PCCA: variants seen among roughly 807,000 people sequenced by gnomAD.
PCCA encodes propionyl-CoA carboxylase subunit alpha, also known as propionyl-CoA carboxylase alpha chain, mitochondrial.
A neutral mutation model predicts 101.3 loss-of-function variants in PCCA; 74 were observed. The ratio of observed to expected loss-of-function variants is 0.73; its 90% confidence interval spans 0.61 to 0.89. PCCA has a LOEUF of 0.89. Among genes scored for constraint, PCCA ranks in the 40% least tolerant of loss-of-function variants. The pLI, the probability that PCCA is intolerant of heterozygous loss-of-function variation, is 0.00. For missense variants in PCCA, 891 were observed against 907.0 expected, an observed-to-expected ratio of 0.98 and a Z score of 0.23; for synonymous variants, 294 against 313.6, an observed-to-expected ratio of 0.94 and a Z score of 0.66.
intron 6 of PCCA, among the ~76,000 whole-genome samples, chr13:100,173,457 T>G (rs999186750): frequency 6.6e-6 from 1 of 152,072 alleles, no homozygotes; most frequent in Non-Finnish European, 1.5e-5. Context: ...TAATAAGAGA[T>G]AGAAGATAAA....
chr13:100,503,785 A>G (rs890529028), intron 21 of PCCA, among the ~76,000 whole-genome samples: 4 of 152,190 alleles, frequency 2.6e-5, no homozygotes, highest in Admixed American at 6.5e-5. Flanking sequence ...GCATGTGCCT[A>G]TGGTCTCAGC....
intron 7 of PCCA, among the ~76,000 whole-genome samples, chr13:100,217,092 A>G (rs1021680858): frequency 6.8e-6 from 1 of 148,042 alleles, no homozygotes; most frequent in African/African-American, 2.5e-5. Context: ...CTGGGCAACA[A>G]GAGCGGAACT....
intron 19 of PCCA, among the ~76,000 whole-genome samples, chr13:100,423,872 G>A (rs909290059): frequency 1.3e-5 from 2 of 152,226 alleles, no homozygotes; most frequent in Non-Finnish European, 2.9e-5. Flanking sequence ...GGAGAACGTA[G>A]ACTCACACGC....
intron 8 of PCCA, among the ~76,000 whole-genome samples, chr13:100,237,900 C>T (rs571367950): frequency 5.3e-5 from 8 of 150,370 alleles, no homozygotes; most frequent in Middle Eastern, 6.9e-3. Flanking sequence ...GCTTTGCTTC[C>T]TTTATGCCTT....
chr13:100,134,868 G>C (rs184463666), intron 4 of PCCA, among the ~76,000 whole-genome samples: 2 of 151,534 alleles, frequency 1.3e-5, no homozygotes, highest in Non-Finnish European at 2.9e-5. Flanking sequence ...TCTTTCATTA[G>C]CATTTCATAG....
intron 19 of PCCA, among the ~76,000 whole-genome samples, chr13:100,390,105 T>C (rs2076727941): frequency 1.3e-5 from 2 of 152,212 alleles, no homozygotes; most frequent in African/African-American, 4.8e-5. Context: ...ACCGTGCATT[T>C]ATTGAGCAGT....
At chr13:100,495,644 G>T (rs1259829195) in intron 21 of PCCA, among the ~76,000 whole-genome samples, 1 of 152,192 alleles carries the variant, frequency 6.6e-6, no homozygotes, top group Non-Finnish European at 1.5e-5. Context: ...TTGGGAGATA[G>T]TGTCAGCACC....
At chr13:100,427,136 GA>G (rs1317041336) in intron 20 of PCCA, among the ~76,000 whole-genome samples, 1 of 152,202 alleles carries the variant, frequency 6.6e-6, no homozygotes, top group Non-Finnish European at 1.5e-5. Context: ...AGAATCACTT[GA>G]ATCTGGGAAG....
intron 6 of PCCA, among the ~76,000 whole-genome samples, chr13:100,206,297 C>T (rs1018985991): frequency 6.6e-6 from 1 of 152,052 alleles, no homozygotes; most frequent in Non-Finnish European, 1.5e-5. Flanking sequence ...GACAGAGTCT[C>T]ACTCTGTTGC....
At chr13:100,115,388 A>C (rs1044918802) in intron 4 of PCCA, among the ~76,000 whole-genome samples, 5 of 152,148 alleles carry the variant, frequency 3.3e-5, no homozygotes, top group Admixed American at 2.0e-4. Context: ...GTCTGCAGTA[A>C]TTTGTGGTAC....
intron 21 of PCCA, chr13:100,490,952 T>G (rs924076592): frequency 2.6e-5 from 4 of 152,338 alleles, no homozygotes; most frequent in African/African-American, 9.6e-5. Flanking sequence ...CAAAATCACC[T>G]GCTGAGCTTG....
At chr13:100,475,878 G>A (rs546154659) in intron 21 of PCCA, among the ~76,000 whole-genome samples, 80 of 152,210 alleles carry the variant, frequency 5.3e-4, no homozygotes, top group African/African-American at 1.9e-3. Context: ...TCTCTATGTA[G>A]TATTCTGCTT....
intron 6 of PCCA, among the ~76,000 whole-genome samples, chr13:100,166,023 T>G (rs1353090192): frequency 6.6e-6 from 1 of 152,244 alleles, no homozygotes; most frequent in Non-Finnish European, 1.5e-5. Flanking sequence ...AATTGTACAC[T>G]TATATGTGTA....
At chr13:100,178,982 CAGG>C (rs1401966215) in intron 6 of PCCA, among the ~76,000 whole-genome samples, 1 of 150,632 alleles carries the variant, frequency 6.6e-6, no homozygotes, top group African/African-American at 2.4e-5. Context: ...GAGGCTGAGG[CAGG>C]AGAATGGCAT....
chr13:100,269,272 A>G (rs1328345599), intron 11 of PCCA, among the ~76,000 whole-genome samples: 1 of 152,210 alleles, frequency 6.6e-6, no homozygotes, highest in East Asian at 1.9e-4. Context: ...TTTAATGTGT[A>G]AAAGGGAGAG....
At chr13:100,366,031 G>A (rs1448789406) in intron 18 of PCCA, among the ~76,000 whole-genome samples, 2 of 152,178 alleles carry the variant, frequency 1.3e-5, no homozygotes, top group African/African-American at 4.8e-5. Flanking sequence ...TTACTTTTAA[G>A]GCATTGAATG....
intron 12 of PCCA, among the ~76,000 whole-genome samples, chr13:100,273,590 C>A (rs1041974612): frequency 6.6e-6 from 1 of 151,970 alleles, no homozygotes; most frequent in Non-Finnish European, 1.5e-5. Context: ...TTGTTTTTTT[C>A]TTGAACCTTT....
chr13:100,245,164 A>G (rs893032165), intron 8 of PCCA, among the ~76,000 whole-genome samples: 2 of 152,196 alleles, frequency 1.3e-5, no homozygotes, highest in Admixed American at 6.5e-5. Context: ...AAAGAGAGCA[A>G]TAAAATCAGT....
chr13:100,377,155 T>A (rs1272177781), intron 19 of PCCA, among the ~76,000 whole-genome samples: 1 of 152,032 alleles, frequency 6.6e-6, no homozygotes, highest in East Asian at 1.9e-4. Context: ...GTCTAACCAG[T>A]CCCAGTGAGA....
Sources: gnomAD v4.1 joint callset for allele counts (sites outside exome capture counted in the v4.1 genomes callset) on GRCh38, gnomAD v4.1.1 for gene constraint, MANE v1.5 for transcripts, NCBI Gene and HGNC (gene_info 2026-07-23, HGNC 2026-07-21) for gene names.